SCRIB: variants seen among roughly 807,000 people sequenced by gnomAD.
The protein encoded by SCRIB is protein scribble homolog.
Under a neutral mutation model 170.0 loss-of-function variants are expected in SCRIB, and 72 were observed. The ratio of observed to expected loss-of-function variants is 0.42; its 90% confidence interval spans 0.35 to 0.52. SCRIB has a LOEUF of 0.52. Ranked by LOEUF, SCRIB falls within the 20% of genes least tolerant of loss-of-function variation. The pLI is 0.02. For missense variants in SCRIB, 2,475 were observed against 2,338.5 expected, an observed-to-expected ratio of 1.06 and a Z score of -1.20; for synonymous variants, 1,298 against 1,044.3, an observed-to-expected ratio of 1.24 and a Z score of -4.68.
Position 143,795,483 on chromosome 8 carries a change from G to A in SCRIB, c.3651C>T (p.His1217=), listed in dbSNP as rs199763622. 3 of 1,613,230 alleles carry A rather than the reference G, an allele frequency of 1.9e-6. No individual in the cohort carries two copies. Among genetic ancestry groups the A allele is most frequent in the East Asian group, 2.2e-5 (1 of 44,868 alleles). ...IANPFAAGIG[H]RNSLESISSI... ...AAGAGATGCTCTCCAGGCTGTTCCG[G>A]TGGCCGATGCCTGCCGCAAAGGGGT... Residue 1217 remains histidine, a synonymous_variant, in exon 25 of 37, where the codon CAC becomes CAT. Coordinates refer to ENST00000356994, the MANE Select transcript of SCRIB (RefSeq NM_182706.5).
Position 143,813,122 on chromosome 8 carries a change from G to T in SCRIB, c.568-18C>A. 6 of 1,572,310 alleles carry T rather than the reference G, an allele frequency of 3.8e-6. No homozygotes were observed. Among genetic ancestry groups the T allele is most frequent in the Non-Finnish European group, 5.2e-6 (6 of 1,157,378 alleles). ...GTGTCTGGCTGCAAGAAGGAACAGA[G>T]AAAATAGTGACTATGAGGCAAAGCC... On this transcript the variant is annotated intron_variant, in intron 6 of 36. Transcript: ENST00000356994.
chr8:143,793,094 G>T lies in SCRIB; in HGVS notation c.3910-11C>A. The T allele has an allele frequency of 1.4e-6, 2 of 1,417,236 alleles. No individual in the cohort carries two copies. Among genetic ancestry groups the T allele is most frequent in the Non-Finnish European group, 1.9e-6 (2 of 1,070,346 alleles). The allele number at this position is 1,417,236 out of a possible 1,614,324, so 87.8% of individuals were successfully genotyped here. Reference sequence around the variant, plus strand: ...AGGCGGGGAGGGCGGCTGGGGGGTGGGGCTCTTGTGAGCTATGCTGGGGCA... The same window carrying T: ...AGGCGGGGAGGGCGGCTGGGGGGTGTGGCTCTTGTGAGCTATGCTGGGGCA... On this transcript the variant is annotated splice_polypyrimidine_tract_variant and intron_variant, in intron 28 of 36. Coordinates refer to ENST00000356994, the MANE Select transcript of SCRIB (RefSeq NM_182706.5).
chr8:143,811,340 C>G lies in SCRIB; in HGVS notation c.912G>C (p.Leu304=). The change falls in exon 10 of 37, where the codon CTG becomes CTC. Residue 304 remains leucine, a synonymous_variant. Coordinates refer to ENST00000356994, the MANE Select transcript of SCRIB (RefSeq NM_182706.5). ...TAGTCAGCTTTCCCAGGGAGCGGGG[C>G]AGGGCCTGGCCAAGAAGAGGAGGTC... is the stretch of plus-strand genomic sequence containing the variant. ...LILTENLLMA[L]PRSLGKLTKL... The G allele has an allele frequency of 6.2e-7, 1 of 1,611,802 alleles. No individual in the cohort carries two copies. The highest frequency in any genetic ancestry group is 8.5e-7 in the Non-Finnish European group (1 of 1,179,114).
intron 24 of SCRIB, among the ~76,000 whole-genome samples, 190 bp from the exon 25 acceptor site, chr8:143,795,720 C>G (rs782517642): frequency 1.3e-5 from 2 of 152,218 alleles, no homozygotes; most frequent in Non-Finnish European, 2.9e-5. Flanking sequence ...CGCTGCAGCA[C>G]TGTCCCCGGC....
At position 143,810,990 on chromosome 8, in the gene SCRIB, G is replaced by A. The variant is rs767960644; in HGVS notation, c.1189C>T (p.Arg397Trp). 9.9e-6 allele frequency: 16 copies of A among 1,611,394 alleles called. No homozygotes were observed. Among genetic ancestry groups the A allele is most frequent in the Admixed American group, 6.7e-5 (4 of 59,816 alleles). ...LAENQAQPML[R>W]FQTEDDARTG... ...CGGGCATCATCCTCCGTCTGGAACC[G>A]GAGCATGGGCTGCGCCTGGTTCTCT... Residue 397 changes from arginine to tryptophan, a missense_variant, in exon 11 of 37, where the codon CGG becomes TGG. Physicochemically the swap from Arg to Trp is moderately radical, Grantham distance 101. Coordinates refer to ENST00000356994, the MANE Select transcript of SCRIB (RefSeq NM_182706.5).
In SCRIB at chr8:143,815,509, A is replaced by C; in HGVS notation, c.-137T>G. On this transcript the variant is annotated 5_prime_UTR_variant, in exon 1 of 37. Transcript: ENST00000356994. ...GCGGGCCGCCCGAGACTGGACGGGG[A>C]CGCGGCCGCGGCCGGCGCTGGGCCC... 4 of 984,856 alleles carry C rather than the reference A, an allele frequency of 4.1e-6. No individual in the cohort carries two copies. Among genetic ancestry groups the C allele is most frequent in the Non-Finnish European group, 4.8e-6 (4 of 830,996 alleles). The allele number at this position is 984,856 out of a possible 1,614,324, so 61.0% of individuals were successfully genotyped here.
At chr8:143,805,627 G>GA (rs1815391786) in intron 18 of SCRIB, among the ~76,000 whole-genome samples, 192 bp from the exon 19 acceptor site, 1 of 152,226 alleles carries the variant, frequency 6.6e-6, no homozygotes, top group Non-Finnish European at 1.5e-5. Flanking sequence ...TCCCCTACCA[G>GA]GTCCTCTGAA....
intron 24 of SCRIB, among the ~76,000 whole-genome samples, chr8:143,802,675 T>C (rs1369650412): frequency 6.6e-6 from 1 of 152,236 alleles, no homozygotes; most frequent in Non-Finnish European, 1.5e-5. Flanking sequence ...TGAGGCCTGC[T>C]GCAGGGCCCC....
chr8:143,792,547 C>T lies in SCRIB; in HGVS notation c.4266G>A (p.Thr1422=), dbSNP rs782443989. 22 of 1,560,368 alleles carry T rather than the reference C, an allele frequency of 1.4e-5. No homozygotes were observed. The East Asian group carries it at 2.6e-4, about 18-fold the overall frequency. The change falls in exon 31 of 37, where the codon ACG becomes ACA. Residue 1422 remains threonine, a synonymous_variant. Coordinates refer to ENST00000356994, the MANE Select transcript of SCRIB (RefSeq NM_182706.5). ...CATCCTCCTGTTCCTCCTCGCCCAGCGTCTCCCCGTCCAGGGCGAGCCTCG... is the reference window on the plus strand; with the variant it reads ...CATCCTCCTGTTCCTCCTCGCCCAGTGTCTCCCCGTCCAGGGCGAGCCTCG... ...AEARLALDGE[T]LGEEEQEDEQ...
At chr8:143,793,405 A>C in intron 28 of SCRIB, 18 of 230,900 alleles carry the variant, frequency 7.8e-5, no homozygotes, top group Non-Finnish European at 1.0e-4. Context: ...AAGGCAAGGG[A>C]CGGGGGTAGA....
intron 28 of SCRIB, 57 bp downstream of exon 28, chr8:143,793,843 C>T: frequency 6.4e-7 from 1 of 1,558,626 alleles, no homozygotes; most frequent in Non-Finnish European, 8.8e-7. Flanking sequence ...TGCACAGCGG[C>T]CATCTGCCCT....
chr8:143,809,492 G>A lies in SCRIB; in HGVS notation c.1698+59C>T. The A allele has an allele frequency of 1.3e-6, 2 of 1,554,318 alleles. 1 individual carries two copies. Among genetic ancestry groups the A allele is most frequent in the South Asian group, 2.3e-5 (2 of 86,096 alleles). ...AACCGATCCCAGCTGAGGCCCCGCA[G>A]GGGAGGCAGCCCCCACCCAGCAGGC... On this transcript the variant is annotated intron_variant, in intron 14 of 36. Transcript: ENST00000356994.
intron 27 of SCRIB, 38 bp from the exon 28 acceptor site, chr8:143,794,000 G>A: frequency 6.2e-7 from 1 of 1,600,128 alleles, no homozygotes; most frequent in Non-Finnish European, 8.5e-7. Context: ...AGGATGGGCA[G>A]GGCTGTGGCC....
At position 143,813,107 on chromosome 8, in the gene SCRIB, G is replaced by T; in HGVS notation, c.568-3C>A. The T allele has an allele frequency of 1.3e-6, 2 of 1,573,796 alleles. No homozygotes were observed. ...GGCAGAGCCCCCAGAGTGTCTGGCT[G>T]CAAGAAGGAACAGAGAAAATAGTGA... On this transcript the variant is annotated splice_polypyrimidine_tract_variant and splice_region_variant and intron_variant, in intron 6 of 36. Transcript: ENST00000356994.
At chr8:143,811,702 C>G (rs947310907) in intron 9 of SCRIB, among the ~76,000 whole-genome samples, 6 of 152,102 alleles carry the variant, frequency 3.9e-5, no homozygotes, top group African/African-American at 1.2e-4. Context: ...CTCCCCAGGC[C>G]CCCAGTTCCA....
chr8:143,805,090 C>A (rs548418701), intron 19 of SCRIB, 22 bp downstream of exon 19: 9 of 1,594,168 alleles, frequency 5.6e-6, no homozygotes, highest in African/African-American at 1.3e-5. Flanking sequence ...CAGCCCTCCC[C>A]GGCCCTGGGC....
At chr8:143,795,781 C>G (rs1313866662) in intron 24 of SCRIB, among the ~76,000 whole-genome samples, 1 of 152,216 alleles carries the variant, frequency 6.6e-6, no homozygotes, top group African/African-American at 2.4e-5. Context: ...CACGTCTGCA[C>G]TAGGCAAGAC....
rs1165439617 is a variant in SCRIB, at chr8:143,805,351, C to A, written c.2431G>T (p.Val811Leu). ...GGCTCCACCATGCGCTCCCGCCACA[C>A]TCGCATCTGCACGGCAGTGCCGGCC... ...RGAGTAVQMRVWRERMVEPEN... is the reference protein window; with the variant it reads ...RGAGTAVQMRLWRERMVEPEN... Residue 811 changes from valine to leucine, a missense_variant, in exon 19 of 37, where the codon GTG (valine) becomes TTG (leucine). By Grantham distance (32) the Val-to-Leu change is conservative (BLOSUM62 1). Transcript: ENST00000356994. 74 of 1,551,832 alleles carry A rather than the reference C, an allele frequency of 4.8e-5. No individual in the cohort carries two copies. Among genetic ancestry groups the A allele is most frequent in the Non-Finnish European group, 6.1e-5 (71 of 1,154,846 alleles).
rs1554636604 is a variant in SCRIB at position 143,806,466 on chromosome 8, C to T, written c.2287G>A (p.Val763Met). 1 of 1,601,204 alleles carries T rather than the reference C, an allele frequency of 6.2e-7. No individual in the cohort carries two copies. The highest frequency in any genetic ancestry group is 8.5e-7 in the Non-Finnish European group (1 of 1,173,658). ...GDDEGIFISR[V>M]SEEGPAARAG... Reference sequence around the variant, plus strand: ...CGGGCCGCAGGGCCTTCCTCGGACACCCGAGAGATGAATATGCCCTAGGGC... The same window carrying T: ...CGGGCCGCAGGGCCTTCCTCGGACATCCGAGAGATGAATATGCCCTAGGGC... Residue 763 changes from valine to methionine, a missense_variant, in exon 18 of 37, where the codon GTG becomes ATG. Coordinates refer to ENST00000356994, the MANE Select transcript of SCRIB (RefSeq NM_182706.5).
Sources: gnomAD v4.1 joint callset for allele counts (sites outside exome capture counted in the v4.1 genomes callset) on GRCh38, gnomAD v4.1.1 for gene constraint, MANE v1.5 for transcripts, NCBI Gene and HGNC (gene_info 2026-07-23, HGNC 2026-07-21) for gene names.